Variants in OTUD7B observed in about 807,000 individuals in gnomAD.
OTUD7B encodes the protein OTU deubiquitinase 7B.
A neutral mutation model predicts 82.2 loss-of-function variants in OTUD7B; 34 were observed. The ratio of observed to expected loss-of-function variants is 0.41; its 90% CI spans 0.31 to 0.55. OTUD7B has a LOEUF of 0.55. Among genes scored for constraint, OTUD7B ranks in the 20% least tolerant of loss-of-function variants. The pLI, the probability that OTUD7B is intolerant of heterozygous loss-of-function variation, is 0.20. For missense variants in OTUD7B, 944 were observed against 1,062.1 expected, an observed-to-expected ratio of 0.89 and a Z score of 1.55; for synonymous variants, 398 against 402.7, an observed-to-expected ratio of 0.99 and a Z score of 0.14.
At chr1:150,034,710 T>C in the OTUD7B span, among the ~76,000 whole-genome samples, 3 of 152,240 alleles carry the variant, frequency 2.0e-5, no homozygotes, top group Non-Finnish European at 4.4e-5. Context: ...AATGCCTGTG[T>C]TTTTAGTATT....
chr1:150,005,791 T>C (rs1282602882), intron 1 of OTUD7B, among the ~76,000 whole-genome samples: 2 of 152,154 alleles, frequency 1.3e-5, no homozygotes, highest in African/African-American at 4.8e-5. Context: ...GCCGGCTTAA[T>C]CTTCAACAAC....
the OTUD7B span, among the ~76,000 whole-genome samples, chr1:150,019,524 GC>G: frequency 4.1e-4 from 62 of 152,130 alleles, no homozygotes; most frequent in African/African-American, 1.5e-3. Flanking sequence ...TGGGCACCAT[GC>G]CTGGCTAATT....
At chr1:149,959,647 A>T in intron 7 of OTUD7B, 37 bp downstream of exon 7, 1 of 1,269,878 alleles carries the variant, frequency 7.9e-7, no homozygotes. Context: ...TGAGGACTCT[A>T]TGCAGGTTTC....
Position 149,964,293 on chromosome 1 carries a change from T to C in OTUD7B, c.661A>G (p.Met221Val). ...GCTTCCTTCTCAACTCCCTTCTCCA[T>C]CAGTGCATACAAAGCTTTCCGCAGC... ...LMLRKALYAL[M>V]EKGVEKEALK... Residue 221 changes from methionine to valine, a missense_variant, in exon 6 of 12, where the codon ATG (methionine) becomes GTG (valine). Physicochemically the swap from Met to Val is conservative, Grantham distance 21 (BLOSUM62 1). Coordinates refer to ENST00000581312, the MANE Select transcript of OTUD7B (RefSeq NM_020205.4). 1 of 1,614,064 alleles carries C rather than the reference T, an allele frequency of 6.2e-7. No individual in the cohort carries two copies. The highest frequency in any genetic ancestry group is 1.1e-5 in the South Asian group (1 of 91,074).
chr1:150,022,823 G>GA, the OTUD7B span, among the ~76,000 whole-genome samples: 1 of 152,148 alleles, frequency 6.6e-6, no homozygotes, highest in African/African-American at 2.4e-5. Flanking sequence ...GAACCCAAGA[G>GA]AAAAAAGAAA....
At chr1:149,950,329 T>G (rs1553773128) in intron 7 of OTUD7B, 108 bp from the exon 8 acceptor site, 2 of 1,092,254 alleles carry the variant, frequency 1.8e-6, no homozygotes, top group South Asian at 3.2e-5. Flanking sequence ...AAGAATGTCC[T>G]TTCCTGGTTT....
At chr1:150,044,361 C>A in the OTUD7B span, among the ~76,000 whole-genome samples, 1 of 151,940 alleles carries the variant, frequency 6.6e-6, no homozygotes, top group African/African-American at 2.4e-5. Context: ...GTGCACTCCA[C>A]AATGCCTGGC....
chr1:149,960,714 G>A (rs1649094693), intron 6 of OTUD7B, among the ~76,000 whole-genome samples: 1 of 151,632 alleles, frequency 6.6e-6, no homozygotes, highest in African/African-American at 2.4e-5. Flanking sequence ...CATATATCCA[G>A]CTACCTACTG....
rs16841623 is a variant in OTUD7B at position 149,966,021 on chromosome 1, C to T, written c.503-143G>A. 4,233 of 619,258 alleles carry T rather than the reference C, an allele frequency of 6.8e-3. 109 individuals are homozygous for T. The highest frequency in any genetic ancestry group is 0.064 in the African/African-American group (3,458 of 54,116). The allele number at this position is 619,258 out of a possible 1,614,324, so 38.4% of individuals were successfully genotyped here. A position where few individuals can be genotyped will look rare whatever the true frequency, so the allele number is the denominator to read the frequency against. The stretch of plus-strand genomic sequence containing the variant: ...TCACTTGATTACTCTTTATATCTTC[C>T]TCACTTATATCTAGTCAGTCAGAAT... On this transcript the variant is annotated intron_variant, in intron 4 of 11. Coordinates refer to ENST00000581312, the MANE Select transcript of OTUD7B (RefSeq NM_020205.4).
chr1:150,060,027 GA>G, the OTUD7B span, among the ~76,000 whole-genome samples: 2 of 152,026 alleles, frequency 1.3e-5, no homozygotes, highest in East Asian at 3.9e-4. Context: ...TAGTTTAAAA[GA>G]GAAAAAAAAT....
chr1:149,969,871 T>G (rs1345620451), intron 3 of OTUD7B, among the ~76,000 whole-genome samples: 2 of 151,852 alleles, frequency 1.3e-5, no homozygotes, highest in Non-Finnish European at 2.9e-5. Context: ...CCAGCTAATT[T>G]TTGTAATTTT....
At chr1:150,010,755 C>G (rs1483427114), upstream of OTUD7B, 5 of 152,134 alleles carry the variant, frequency 3.3e-5, no homozygotes, top group African/African-American at 4.8e-5. Context: ...CGGAAACAGG[C>G]GCCAGTTTCC....
chr1:150,058,900 A>G, the OTUD7B span, among the ~76,000 whole-genome samples: 1 of 152,140 alleles, frequency 6.6e-6, no homozygotes, highest in Non-Finnish European at 1.5e-5. Flanking sequence ...AGGAAAAAAT[A>G]TTTCTTTTAC....
chr1:149,949,615 A>G lies in OTUD7B; in HGVS notation c.1123+14T>C. 1.2e-6 allele frequency: 2 copies of G among 1,611,126 alleles called. No individual in the cohort carries two copies. Among genetic ancestry groups the G allele is most frequent in the Non-Finnish European group, 1.7e-6 (2 of 1,177,816 alleles). Reference sequence around the variant, plus strand: ...GTGAAAATAATGCAGACCAAAAGACATGTCATTCAGCACCTTGTTCCTTGG... The same window carrying G: ...GTGAAAATAATGCAGACCAAAAGACGTGTCATTCAGCACCTTGTTCCTTGG... On this transcript the variant is annotated intron_variant, in intron 9 of 11. Coordinates refer to ENST00000581312, the MANE Select transcript of OTUD7B (RefSeq NM_020205.4).
chr1:149,967,057 T>G (rs760554119), intron 4 of OTUD7B, among the ~76,000 whole-genome samples: 42 of 152,212 alleles, frequency 2.8e-4, no homozygotes, highest in Non-Finnish European at 5.7e-4. Context: ...AGGTATTGAT[T>G]CCTAGGCCTT....
intron 3 of OTUD7B, among the ~76,000 whole-genome samples, chr1:149,969,794 T>A (rs946471983): frequency 6.6e-6 from 1 of 152,158 alleles, no homozygotes. Context: ...CTCTGCCTCC[T>A]GGGCTTAAGC....
chr1:149,987,031 GAAGAGA>G (rs1651198179), intron 1 of OTUD7B, among the ~76,000 whole-genome samples: 1 of 152,124 alleles, frequency 6.6e-6, no homozygotes, highest in Non-Finnish European at 1.5e-5. Flanking sequence ...CTCAAAGTAA[GAAGAGA>G]AAGAAAGTAA....
chr1:150,036,508 C>T, the OTUD7B span, among the ~76,000 whole-genome samples: 67 of 152,234 alleles, frequency 4.4e-4, no homozygotes, highest in African/African-American at 1.6e-3. Flanking sequence ...GATCACCCAC[C>T]TCAGCTTCCC....
At chr1:150,032,150 A>C in the OTUD7B span, among the ~76,000 whole-genome samples, 1 of 151,870 alleles carries the variant, frequency 6.6e-6, no homozygotes, top group Non-Finnish European at 1.5e-5. Flanking sequence ...GTCTCTACTA[A>C]AAATACAAAA....
Sources: gnomAD v4.1 joint callset for allele counts (sites outside exome capture counted in the v4.1 genomes callset) on GRCh38, gnomAD v4.1.1 for gene constraint, MANE v1.5 for transcripts, NCBI Gene and HGNC (gene_info 2026-07-23, HGNC 2026-07-21) for gene names.